The following ERC1 variants were observed in gnomAD, a reference collection of about 807,000 sequenced individuals.
The protein encoded by ERC1 is ELKS/RAB6-interacting/CAST family member 1.
ERC1 carries 56 observed loss-of-function variants against 132.0 expected under a neutral mutation model. The observed-to-expected ratio is 0.42, with a 90% CI of 0.34 to 0.53. ERC1 has a LOEUF of 0.53. Ranked by LOEUF, ERC1 falls within the 20% of genes least tolerant of loss-of-function variation. The pLI, the probability that ERC1 is intolerant of heterozygous loss-of-function variation, is 0.03. For synonymous variants in ERC1, 478 were observed against 476.1 expected (o/e 1.00, Z -0.05); for missense variants, 1,202 against 1,349.9 (o/e 0.89, Z 1.72).
At chr12:1,336,442 T>G (rs998669845) in intron 15 of ERC1, among the ~76,000 whole-genome samples, 1 of 152,214 alleles carries the variant, frequency 6.6e-6, no homozygotes, top group Non-Finnish European at 1.5e-5. Flanking sequence ...GATTCTGGTA[T>G]GTTGTATCTT....
intron 8 of ERC1, among the ~76,000 whole-genome samples, chr12:1,178,406 G>A (rs966401825): frequency 1.3e-5 from 2 of 152,082 alleles, no homozygotes; most frequent in Non-Finnish European, 2.9e-5. Context: ...ACAGCTGGAG[G>A]GGCAGGATCC....
At chr12:1,384,777 GT>G (rs113968956) in intron 16 of ERC1, among the ~76,000 whole-genome samples, 1 of 152,244 alleles carries the variant, frequency 6.6e-6, no homozygotes, top group African/African-American at 2.4e-5. Flanking sequence ...GGTTTTCAGG[GT>G]AGAGATGCTT....
intron 1 of ERC1, among the ~76,000 whole-genome samples, chr12:993,653 C>T (rs58007194): frequency 0.012 from 1,790 of 152,282 alleles, 35 homozygotes; most frequent in African/African-American, 0.041. Flanking sequence ...CCTGTAATCC[C>T]AGCACTTTGG....
intron 5 of ERC1, 85 bp downstream of exon 5, chr12:1,110,432 G>A (rs372851674): frequency 1.3e-5 from 14 of 1,093,938 alleles, no homozygotes; most frequent in Middle Eastern, 2.3e-4. Flanking sequence ...TGATAAAGCC[G>A]TATTTTACAC....
intron 2 of ERC1, among the ~76,000 whole-genome samples, chr12:1,080,955 A>G (rs1942107876): frequency 6.6e-6 from 1 of 152,132 alleles, no homozygotes; most frequent in Non-Finnish European, 1.5e-5. Flanking sequence ...GATTTTTTCA[A>G]TGGATAATGC....
intron 7 of ERC1, among the ~76,000 whole-genome samples, chr12:1,133,122 T>G (rs1024793026): frequency 1.3e-5 from 2 of 151,568 alleles, no homozygotes; most frequent in Non-Finnish European, 2.9e-5. Context: ...CCTCCCAAAG[T>G]GCTGGGATTA....
At chr12:1,315,341 TTTTTG>T (rs143817041) in intron 15 of ERC1, among the ~76,000 whole-genome samples, 7 of 150,870 alleles carry the variant, frequency 4.6e-5, no homozygotes, top group Admixed American at 2.0e-4. Flanking sequence ...TTCTACAGTT[TTTTTG>T]TTTTGTTTTG....
intron 2 of ERC1, among the ~76,000 whole-genome samples, chr12:1,031,752 C>CT (rs1968085393): frequency 6.6e-6 from 1 of 151,970 alleles, no homozygotes; most frequent in South Asian, 2.1e-4. Context: ...TTAGAAAGTT[C>CT]TTTGAGTTTG....
chr12:1,177,919 T>A (rs1039287805), intron 8 of ERC1, among the ~76,000 whole-genome samples: 1 of 152,186 alleles, frequency 6.6e-6, no homozygotes, highest in East Asian at 1.9e-4. Flanking sequence ...CTTTACTGGT[T>A]ATGAGTTGAC....
intron 18 of ERC1, among the ~76,000 whole-genome samples, chr12:1,469,515 T>C (rs1464810949): frequency 6.6e-6 from 1 of 152,380 alleles, no homozygotes; most frequent in South Asian, 2.1e-4. Flanking sequence ...GAGTGCTTGC[T>C]GTGGTGTGGG....
At chr12:1,009,033 G>C (rs1964211860) in intron 1 of ERC1, among the ~76,000 whole-genome samples, 1 of 151,944 alleles carries the variant, frequency 6.6e-6, no homozygotes, top group African/African-American at 2.4e-5. Context: ...GGAGCTGTGA[G>C]GAACATGGGG....
At position 1,217,362 on chromosome 12, in the gene ERC1, T is replaced by C. The variant is rs143986455; in HGVS notation, c.2352-19407T>C. Among the ~76,000 whole-genome samples, 447 of 152,318 alleles carry C rather than the reference T, an allele frequency of 2.9e-3. 3 individuals carry two copies. Among genetic ancestry groups the C allele is most frequent in the Middle Eastern group, 0.01 (3 of 294 alleles). On this transcript the variant is annotated intron_variant, in intron 12 of 18. Transcript: ENST00000360905. ...CTGTACCAGCAGTACTAGATTCTTA[T>C]CTTTACACAGTTTGGGAAATGGACA...
At chr12:1,483,548 G>C (rs1280009331) in intron 18 of ERC1, among the ~76,000 whole-genome samples, 1 of 151,610 alleles carries the variant, frequency 6.6e-6, no homozygotes, top group Non-Finnish European at 1.5e-5. Flanking sequence ...GTTTTAAAAG[G>C]TATTTATGTT....
intron 2 of ERC1, among the ~76,000 whole-genome samples, chr12:1,054,431 G>A (rs940782925): frequency 2.6e-5 from 4 of 151,712 alleles, no homozygotes; most frequent in African/African-American, 7.3e-5. Flanking sequence ...CTTCCCTACC[G>A]CACCCCCGGC....
At chr12:1,273,544 G>A (rs572755247) in intron 14 of ERC1, among the ~76,000 whole-genome samples, 3 of 152,272 alleles carry the variant, frequency 2.0e-5, no homozygotes, top group African/African-American at 4.8e-5. Context: ...CAGTGGTAAT[G>A]TTTTATGTCT....
intron 15 of ERC1, among the ~76,000 whole-genome samples, chr12:1,293,044 T>C (rs778399473): frequency 9.9e-5 from 15 of 151,116 alleles, no homozygotes; most frequent in African/African-American, 3.7e-4. Context: ...CTCTGGAGGC[T>C]GAGGCAGGAG....
intron 17 of ERC1, among the ~76,000 whole-genome samples, chr12:1,420,445 T>TTTTA (rs545953956): frequency 0.092 from 13,798 of 150,658 alleles, 705 homozygotes; most frequent in African/African-American, 0.12. Flanking sequence ...CTTTTTTTTA[T>TTTTA]TTTATTTATT....
intron 14 of ERC1, among the ~76,000 whole-genome samples, chr12:1,268,843 A>G (rs2077638087): frequency 6.6e-6 from 1 of 152,220 alleles, no homozygotes; most frequent in African/African-American, 2.4e-5. Context: ...CAGAAGTGAA[A>G]GCTAGAAGCG....
intron 7 of ERC1, among the ~76,000 whole-genome samples, chr12:1,129,978 G>T (rs1051803772): frequency 6.6e-6 from 1 of 152,180 alleles, no homozygotes; most frequent in East Asian, 1.9e-4. Flanking sequence ...TTCAGTAAAG[G>T]TGAGGAATTT....
Sources: allele counts gnomAD v4.1 joint callset (sites outside exome capture counted in the v4.1 genomes callset), GRCh38; gene constraint gnomAD v4.1.1; transcripts MANE v1.5; gene names NCBI Gene and HGNC (gene_info 2026-07-23, HGNC 2026-07-21).